The following SNTG2 variants were observed in gnomAD, a reference collection of about 807,000 sequenced individuals.
SNTG2 encodes syntrophin gamma 2.
A neutral mutation model predicts 70.9 loss-of-function variants in SNTG2; 74 were observed. That is an observed-to-expected ratio of 1.04 (90% CI 0.86 to 1.27). The LOEUF is 1.27. SNTG2 is among the 50% of genes most tolerant of loss of function. The probability of loss-of-function intolerance (pLI) is 0.00; values close to 1 mark genes in which losing one functional copy is unlikely to be tolerated. For synonymous variants in SNTG2, 278 were observed against 273.8 expected, an observed-to-expected ratio of 1.02 and a Z score of -0.15; for missense variants, 717 against 690.7, an observed-to-expected ratio of 1.04 and a Z score of -0.43.
At chr2:1,198,399 A>G (rs919503157) in intron 8 of SNTG2, among the ~76,000 whole-genome samples, 5 of 152,032 alleles carry the variant, frequency 3.3e-5, no homozygotes, top group African/African-American at 1.2e-4. Flanking sequence ...ACTAAAACAT[A>G]TAGGATATAG....
At chr2:1,248,333 G>A (rs1022307512) in intron 12 of SNTG2, among the ~76,000 whole-genome samples, 1 of 152,140 alleles carries the variant, frequency 6.6e-6, no homozygotes. Flanking sequence ...CACAACTTAC[G>A]TGGCCATGGA....
At chr2:1,169,571 A>G (rs1670984850) in intron 7 of SNTG2, among the ~76,000 whole-genome samples, 1 of 152,150 alleles carries the variant, frequency 6.6e-6, no homozygotes, top group Admixed American at 6.6e-5. Context: ...AGCTCTTGCA[A>G]TTCTAGTGCC....
At chr2:1,255,393 C>A (rs1178754030) in intron 12 of SNTG2, among the ~76,000 whole-genome samples, 1 of 152,122 alleles carries the variant, frequency 6.6e-6, no homozygotes, top group African/African-American at 2.4e-5. Flanking sequence ...TATGAATCAC[C>A]TGGGAATACT....
intron 8 of SNTG2, among the ~76,000 whole-genome samples, chr2:1,202,652 A>G (rs970732241): frequency 9.2e-5 from 14 of 152,194 alleles, no homozygotes; most frequent in Non-Finnish European, 1.9e-4. Flanking sequence ...TAAAAAAGCA[A>G]CATCCAACTG....
At chr2:1,042,265 A>C (rs1247758257) in intron 1 of SNTG2, among the ~76,000 whole-genome samples, 1 of 152,210 alleles carries the variant, frequency 6.6e-6, no homozygotes, top group Non-Finnish European at 1.5e-5. Flanking sequence ...TTGGAATTAC[A>C]TTGACTATTG....
intron 16 of SNTG2, among the ~76,000 whole-genome samples, chr2:1,351,177 C>T (rs528844107): frequency 6.6e-6 from 1 of 151,966 alleles, no homozygotes; most frequent in East Asian, 2.0e-4. Context: ...GTCTACCTGA[C>T]TCTGGAGCTA....
chr2:951,563 C>T (rs1395793380), intron 1 of SNTG2, among the ~76,000 whole-genome samples: 2 of 152,218 alleles, frequency 1.3e-5, no homozygotes, highest in Non-Finnish European at 2.9e-5. Context: ...GGCTCTAGGC[C>T]ATTCGGGGAA....
At chr2:1,309,455 A>C (rs188622591) in intron 15 of SNTG2, among the ~76,000 whole-genome samples, 67 of 152,342 alleles carry the variant, frequency 4.4e-4, no homozygotes, top group African/African-American at 1.5e-3. Context: ...GGGTCTCCCA[A>C]ACTGGTGGTT....
intron 9 of SNTG2, among the ~76,000 whole-genome samples, chr2:1,218,743 G>C (rs758442431): frequency 6.6e-6 from 1 of 152,146 alleles, no homozygotes. Context: ...GGAATAGTAC[G>C]GGGATAGGAA....
intron 8 of SNTG2, among the ~76,000 whole-genome samples, chr2:1,176,912 G>T (rs546035422): frequency 6.6e-6 from 1 of 152,312 alleles, no homozygotes; most frequent in Non-Finnish European, 1.5e-5. Flanking sequence ...CATTGTGGAA[G>T]ACGGTGTGGT....
chr2:1,084,073 C>T (rs1018345473), intron 2 of SNTG2, among the ~76,000 whole-genome samples: 1 of 152,048 alleles, frequency 6.6e-6, no homozygotes, highest in East Asian at 1.9e-4. Context: ...AAAGAAATAC[C>T]CCCAAAAGCC....
intron 14 of SNTG2, among the ~76,000 whole-genome samples, chr2:1,297,393 T>C (rs1680262967): frequency 6.6e-6 from 1 of 152,270 alleles, no homozygotes; most frequent in African/African-American, 2.4e-5. Flanking sequence ...ATTAAATGTG[T>C]GCTGCTGCCT....
In SNTG2 at chr2:1,168,080, A is replaced by G. The variant is rs34367358; in HGVS notation, c.499+2445A>G. Among the ~76,000 whole-genome samples the G allele has an allele frequency of 9.6e-3, 674 of 70,254 alleles. 2 individuals carry two copies. Among genetic ancestry groups the G allele is most frequent in the East Asian group, 0.031 (39 of 1,260 alleles). 46.1% of individuals were successfully genotyped at this position (70,254 alleles called of 152,430 possible). On this transcript the variant is annotated intron_variant, in intron 7 of 16. Coordinates refer to ENST00000308624, the MANE Select transcript of SNTG2 (RefSeq NM_018968.4). Reference sequence around the variant, plus strand: ...GCCGCCCACAGACGGCAGAACTGAAACCTACAGGCCGCCCACAGACGGCAG... The same window carrying G: ...GCCGCCCACAGACGGCAGAACTGAAGCCTACAGGCCGCCCACAGACGGCAG...
chr2:1,098,971 A>C (rs944554465), intron 4 of SNTG2, among the ~76,000 whole-genome samples: 1 of 152,188 alleles, frequency 6.6e-6, no homozygotes, highest in Non-Finnish European at 1.5e-5. Flanking sequence ...GGGAGAGATT[A>C]CTCTGTGTAG....
intron 1 of SNTG2, among the ~76,000 whole-genome samples, chr2:1,006,474 TA>T (rs1659576007): frequency 6.6e-6 from 1 of 152,162 alleles, no homozygotes; most frequent in Non-Finnish European, 1.5e-5. Flanking sequence ...ATTCCTTTTT[TA>T]TTTTGAGTGG....
At chr2:1,313,312 A>G (rs745806579) in intron 15 of SNTG2, among the ~76,000 whole-genome samples, 2 of 152,220 alleles carry the variant, frequency 1.3e-5, no homozygotes, top group Non-Finnish European at 2.9e-5. Flanking sequence ...AAGAGGGAGA[A>G]CTAAAAATCC....
intron 1 of SNTG2, among the ~76,000 whole-genome samples, chr2:1,043,038 T>C (rs1422781466): frequency 6.6e-6 from 1 of 152,244 alleles, no homozygotes; most frequent in Non-Finnish European, 1.5e-5. Flanking sequence ...ATCTGTTGTT[T>C]TATAACTTTT....
At chr2:1,245,299 GTCC>G (rs1258523941) in intron 11 of SNTG2, among the ~76,000 whole-genome samples, 1 of 151,804 alleles carries the variant, frequency 6.6e-6, no homozygotes, top group East Asian at 1.9e-4. Flanking sequence ...AAAGAAATAA[GTCC>G]TCCTCAAGAG....
intron 4 of SNTG2, among the ~76,000 whole-genome samples, chr2:1,119,107 G>A (rs1179528559): frequency 6.6e-6 from 1 of 152,130 alleles, no homozygotes; most frequent in East Asian, 1.9e-4. Context: ...AGCCAGGAAA[G>A]AATAGTATGA....
Sources: gnomAD v4.1 joint callset for allele counts (sites outside exome capture counted in the v4.1 genomes callset) on GRCh38, gnomAD v4.1.1 for gene constraint, MANE v1.5 for transcripts, NCBI Gene and HGNC (gene_info 2026-07-23, HGNC 2026-07-21) for gene names.